ATP2C1: variants seen among roughly 807,000 people sequenced by gnomAD.
ATP2C1 encodes the protein ATPase secretory pathway Ca2+ transporting 1.
ATP2C1 carries 31 observed loss-of-function variants against 120.5 expected under a neutral mutation model. That is an observed-to-expected ratio of 0.26 (90% confidence interval 0.19 to 0.35). ATP2C1 has a LOEUF of 0.35. ATP2C1 is among the 10% of genes least tolerant of loss of function. The pLI, the probability that ATP2C1 is intolerant of heterozygous loss-of-function variation, is 1.00. For synonymous variants in ATP2C1, 351 were observed against 358.7 expected, an observed-to-expected ratio of 0.98 and a Z score of 0.24; for missense variants, 731 against 1,107.5, an observed-to-expected ratio of 0.66 and a Z score of 4.83.
At chr3:130,898,503 T>C (rs1272715857) in intron 2 of ATP2C1, among the ~76,000 whole-genome samples, 1 of 152,140 alleles carries the variant, frequency 6.6e-6, no homozygotes, top group African/African-American at 2.4e-5. Flanking sequence ...TTATGTTGTT[T>C]GCAGTTTTGT....
intron 22 of ATP2C1, among the ~76,000 whole-genome samples, chr3:130,995,532 A>G (rs1469043025): frequency 6.6e-6 from 1 of 152,194 alleles, no homozygotes; most frequent in Non-Finnish European, 1.5e-5. Context: ...TAAGAATTTT[A>G]ATATTGTGAC....
chr3:131,016,318 T>A (rs2063631739), exon 27 of ATP2C1: 1 of 1,614,186 alleles, frequency 6.2e-7, no homozygotes. Flanking sequence ...CTTAGCACCA[T>A]CTTCCTGCAG....
In ATP2C1 at chr3:130,967,353, T is replaced by C. The variant is rs764791314; in HGVS notation, c.1242T>C (p.Ala414=). 4 of 1,613,828 alleles carry C rather than the reference T, an allele frequency of 2.5e-6. No homozygotes were observed. The highest frequency in any genetic ancestry group is 3.4e-6 in the Non-Finnish European group (4 of 1,179,780). The stretch of plus-strand genomic sequence containing the variant: ...AGGCGGGCTGTGTGTGCAATGATGC[T>C]GTAATTAGAAACAATACTCTAATGG... ...IVEAGCVCND[A]VIRNNTLMGK... Residue 414 remains alanine, a synonymous_variant, in exon 16 of 28, where the codon GCT becomes GCC. Transcript: ENST00000510168.
chr3:130,941,283 C>CTGTGTGTGT (rs2059907354), intron 7 of ATP2C1, among the ~76,000 whole-genome samples: 1 of 146,494 alleles, frequency 6.8e-6, no homozygotes, highest in African/African-American at 2.7e-5. Context: ...TGTGCGCGCA[C>CTGTGTGTGT]GCGCGCATGC....
rs7631323 is a variant in ATP2C1 at position 130,931,036 on chromosome 3, G to A, written c.117+510G>A. Among the ~76,000 whole-genome samples, 786 of 152,168 alleles carry A rather than the reference G, an allele frequency of 5.2e-3. 6 individuals are homozygous for A. The highest frequency in any genetic ancestry group is 0.018 in the African/African-American group (753 of 41,538). ...AGGCTCTTCCTGGTTTTCAAAAGTA[G>A]TATCTATCGAAACATGAAAAAGATA... On this transcript the variant is annotated intron_variant, in intron 3 of 27. Coordinates refer to ENST00000510168, the MANE Select transcript of ATP2C1 (RefSeq NM_001378687.1).
At position 130,860,383 on chromosome 3, in the gene ATP2C1, C is replaced by G. The variant is rs186213378; in HGVS notation, c.108+9455C>G. 2.1e-3 allele frequency among the ~76,000 whole-genome samples: 318 copies of G among 152,306 alleles called. 2 individuals are homozygous for G. Among genetic ancestry groups the G allele is most frequent in the Middle Eastern group, 6.8e-3 (2 of 294 alleles). ...GGAAAAATGTTGGAATTATTTCTTT[C>G]CTACTCACCCTAAAGGTGGCATATT... On this transcript the variant is annotated intron_variant, in intron 1 of 26. Coordinates refer to the ATP2C1 transcript ENST00000504381.
At chr3:130,965,604 C>T (rs995785983) in intron 14 of ATP2C1, among the ~76,000 whole-genome samples, 3 of 152,090 alleles carry the variant, frequency 2.0e-5, no homozygotes, top group Non-Finnish European at 4.4e-5. Context: ...CCTTTGCTTT[C>T]TGTGCACCAA....
chr3:130,994,599 AC>A (rs1384169342), intron 22 of ATP2C1, among the ~76,000 whole-genome samples: 2 of 152,182 alleles, frequency 1.3e-5, no homozygotes, highest in Non-Finnish European at 2.9e-5. Context: ...CCAGTGTAAT[AC>A]ATGGTGGTGT....
At position 130,979,361 on chromosome 3, in the gene ATP2C1, C is replaced by T. The variant is rs114319700; in HGVS notation, c.1683C>T (p.Ala561=). 1,032 of 1,613,626 alleles carry T rather than the reference C, an allele frequency of 6.4e-4. 1 individual carries two copies. The African/African-American group carries it at 0.012, about 18-fold the overall frequency. ...AAGAAGCTGTTACAACACTCATTGC[C>T]TCAGGAGTATCAATAAAAATGATTA... ...GVKEAVTTLI[A]SGVSIKMITG... Residue 561 remains alanine (A), a synonymous_variant, in exon 19 of 28, where the codon GCC becomes GCT. Transcript: ENST00000510168.
intron 8 of ATP2C1, among the ~76,000 whole-genome samples, chr3:130,950,041 G>T (rs2060305699): frequency 6.6e-6 from 1 of 152,064 alleles, no homozygotes; most frequent in Admixed American, 6.6e-5. Flanking sequence ...GCTGCCAGTT[G>T]TTCCATATTA....
At chr3:130,970,369 TACACACAC>T (rs201337484) in intron 17 of ATP2C1, among the ~76,000 whole-genome samples, 41 of 130,730 alleles carry the variant, frequency 3.1e-4, no homozygotes, top group East Asian at 9.5e-4. Flanking sequence ...AAAAAAAAAT[TACACACAC>T]ACACACACAC....
intron 2 of ATP2C1, chr3:130,918,573 C>T: frequency 2.7e-6 from 2 of 733,452 alleles, no homozygotes; most frequent in Non-Finnish European, 2.6e-6. Flanking sequence ...ATGCCAGCGC[C>T]CTGGCCATAA....
In ATP2C1 at chr3:130,924,053, T is replaced by C. The variant is rs2059090949; in HGVS notation, c.7-6363T>C. On this transcript the variant is annotated intron_variant, in intron 2 of 27. Transcript: ENST00000510168. ...TTCTGTATCTTTTAAGTGGAGTATTTAGGCCATTTATATTCAACGTGAGTA... is the reference window on the plus strand; with the variant it reads ...TTCTGTATCTTTTAAGTGGAGTATTCAGGCCATTTATATTCAACGTGAGTA... Among the ~76,000 whole-genome samples the C allele has an allele frequency of 2.0e-5, 3 of 152,164 alleles. No homozygotes were observed. The South Asian group carries it at 6.2e-4, about 32-fold the overall frequency.
intron 8 of ATP2C1, among the ~76,000 whole-genome samples, chr3:130,947,792 A>T (rs2060213608): frequency 6.6e-6 from 1 of 151,406 alleles, no homozygotes; most frequent in South Asian, 2.1e-4. Context: ...ACGCCCCTCC[A>T]ATTGATTTTT....
chr3:130,885,350 A>G (rs1293646377), intron 1 of ATP2C1, among the ~76,000 whole-genome samples: 1 of 152,132 alleles, frequency 6.6e-6, no homozygotes, highest in Non-Finnish European at 1.5e-5. Context: ...GTTATTATTG[A>G]TAAGTAGAGA....
rs1014963605 is a variant in ATP2C1, at chr3:131,001,766, A to G, written c.*416A>G. 144 of 982,944 alleles carry G rather than the reference A, an allele frequency of 1.5e-4. No individual in the cohort carries two copies. Among genetic ancestry groups the G allele is most frequent in the Non-Finnish European group, 1.7e-4 (138 of 827,366 alleles). 60.9% of individuals were successfully genotyped at this position (982,944 alleles called of 1,614,324 possible). ...TACTAATACACAAATAAATTTAATC[A>G]TTTCAAAGGCATTCTATTTGGTTTA... On this transcript the variant is annotated 3_prime_UTR_variant, in exon 28 of 28. Coordinates refer to ENST00000510168, the MANE Select transcript of ATP2C1 (RefSeq NM_001378687.1).
At chr3:131,006,009 C>T (rs1159223705), downstream of ATP2C1, among the ~76,000 whole-genome samples, 1 of 152,042 alleles carries the variant, frequency 6.6e-6, no homozygotes, top group East Asian at 1.9e-4. Context: ...TTAAGGTATG[C>T]CACGTAAGGA....
intron 1 of ATP2C1, among the ~76,000 whole-genome samples, chr3:130,873,187 AG>A (rs2068490165): frequency 1.3e-5 from 2 of 152,222 alleles, no homozygotes; most frequent in South Asian, 4.1e-4. Context: ...AAACTACAAA[AG>A]GTAACTAAAT....
intron 2 of ATP2C1, among the ~76,000 whole-genome samples, chr3:130,912,862 A>G (rs1225990403): frequency 6.6e-6 from 1 of 152,192 alleles, no homozygotes; most frequent in East Asian, 1.9e-4. Context: ...CCAAATGCCC[A>G]ACAATGATAG....
Sources: allele counts gnomAD v4.1 joint callset (sites outside exome capture counted in the v4.1 genomes callset), GRCh38; gene constraint gnomAD v4.1.1; transcripts MANE v1.5; gene names NCBI Gene and HGNC (gene_info 2026-07-23, HGNC 2026-07-21).